Variants in AGRN observed in about 807,000 individuals in gnomAD.
The protein encoded by AGRN is agrin proteoglycan.
Under a neutral mutation model 211.0 loss-of-function variants are expected in AGRN, and 106 were observed. The observed-to-expected ratio is 0.50, with a 90% CI of 0.43 to 0.59. The LOEUF is 0.59. Ranked by LOEUF, AGRN falls within the 20% of genes least tolerant of loss-of-function variation. The pLI, the probability that AGRN is intolerant of heterozygous loss-of-function variation, is 0.00. For synonymous variants in AGRN, 1,525 were observed against 1,332.5 expected, an observed-to-expected ratio of 1.14 and a Z score of -3.15; for missense variants, 3,040 against 2,982.6, an observed-to-expected ratio of 1.02 and a Z score of -0.45.
chr1:1,033,190 GA>G (rs1644711230), intron 2 of AGRN, among the ~76,000 whole-genome samples: 1 of 152,032 alleles, frequency 6.6e-6, no homozygotes, highest in Non-Finnish European at 1.5e-5. Context: ...CCCCGCGCGG[GA>G]GTCGGGGGCG....
Position 1,046,863 on chromosome 1 carries a change from A to G in AGRN, c.3294A>G (p.Pro1098=), listed in dbSNP as rs1365226439. 2 of 1,586,746 alleles carry G rather than the reference A, an allele frequency of 1.3e-6. No individual in the cohort carries two copies. The highest frequency in any genetic ancestry group is 1.8e-5 in the Admixed American group (1 of 54,704). The change falls in exon 19 of 36, where the codon CCA becomes CCG. Residue 1098 remains proline, a synonymous_variant. Coordinates refer to ENST00000379370, the MANE Select transcript of AGRN (RefSeq NM_198576.4). ...GCAGCAGCGTGGCCACCCCTGGGCC[A>G]CCTGTCGAGAGGGCTTCCTGCTACA... ...LEGSSVATPG[P]PVERASCYNS...
intron 2 of AGRN, 106 bp from the exon 3 acceptor site, chr1:1,035,171 G>C (rs80124228): frequency 3.0e-4 from 16 of 53,918 alleles, no homozygotes; most frequent in Middle Eastern, 3.4e-3. Context: ...GCTAGCGGTG[G>C]GGGGGGGGGG....
In AGRN at chr1:1,051,710, C is replaced by T. The variant is rs187269631; in HGVS notation, c.5564-18C>T. On this transcript the variant is annotated intron_variant, in intron 32 of 35. Transcript: ENST00000379370. ...CCCGGAGCCCACGAGGCCCCACCCT[C>T]ACCTGCCTATCTCACAGGGCTGGTG... 31 of 1,613,490 alleles carry T rather than the reference C, an allele frequency of 1.9e-5. No individual in the cohort carries two copies. The East Asian group carries it at 2.2e-4, about 12-fold the overall frequency.
At chr1:1,051,696 C>A (rs143046493) in intron 32 of AGRN, 32 bp from the exon 33 acceptor site, 13 of 1,613,066 alleles carry the variant, frequency 8.1e-6, no homozygotes, top group Admixed American at 1.7e-5. Context: ...CCGGAGCCCA[C>A]GAGGCCCCAC....
intron 22 of AGRN, 47 bp downstream of exon 22, chr1:1,047,942 C>G: frequency 6.3e-7 from 1 of 1,591,882 alleles, no homozygotes; most frequent in Non-Finnish European, 8.6e-7. Context: ...CCTCCTCTGC[C>G]CATGCCCCTG....
In AGRN at chr1:1,051,109, A is replaced by C. The variant is rs1224323120; in HGVS notation, c.5254-144A>C. The C allele has an allele frequency of 1.4e-5, 21 of 1,527,344 alleles. 1 individual carries two copies. The Admixed American group carries it at 1.4e-4, about 10-fold the overall frequency. 94.6% of individuals were successfully genotyped at this position (1,527,344 alleles called of 1,614,324 possible). On this transcript the variant is annotated intron_variant, in intron 30 of 35. Transcript: ENST00000379370. ...CAACCCCTAGGGTAGCTCCTCCCCC[A>C]CTAAGGACCCTGCCATTTCTGTGTG...
chr1:1,034,907 C>G, intron 2 of AGRN: 1 of 375,874 alleles, frequency 2.7e-6, no homozygotes, highest in Non-Finnish European at 4.8e-6. Flanking sequence ...TGCAGAAACA[C>G]TTTCTGCGGG....
chr1:1,037,110 C>G (rs1232535187), intron 3 of AGRN, among the ~76,000 whole-genome samples: 1 of 152,150 alleles, frequency 6.6e-6, no homozygotes, highest in East Asian at 1.9e-4. Flanking sequence ...TCCCAGTGGG[C>G]TGGGTCCTGG....
In AGRN at chr1:1,045,952, C is replaced by A. The variant is rs1330492416; in HGVS notation, c.2681-12C>A. ...ACCCGAGCCACAGAGGTTTCCCATG[C>A]CCGTGCCCCAGACGCTTCTGCGCCT... is the stretch of plus-strand genomic sequence containing the variant. On this transcript the variant is annotated splice_polypyrimidine_tract_variant and intron_variant, in intron 15 of 35. Coordinates refer to ENST00000379370, the MANE Select transcript of AGRN (RefSeq NM_198576.4). The A allele has an allele frequency of 1.2e-6, 2 of 1,613,214 alleles. No individual in the cohort carries two copies. The highest frequency in any genetic ancestry group is 2.2e-5 in the South Asian group (2 of 91,084).
In AGRN at chr1:1,042,012, C is replaced by T. The variant is rs1644956842; in HGVS notation, c.1234C>T (p.Pro412Ser). 1.2e-6 allele frequency: 2 copies of T among 1,611,148 alleles called. No individual in the cohort carries two copies. Among genetic ancestry groups the T allele is most frequent in the Non-Finnish European group, 1.7e-6 (2 of 1,179,674 alleles). The change falls in exon 7 of 36, where the codon CCC (proline) becomes TCC (serine). Residue 412 changes from proline to serine, a missense_variant. This residue lies in a region of AGRN where 1,498 missense variants were observed against 1,457.8 expected (regional missense o/e 1.03). Coordinates refer to ENST00000379370, the MANE Select transcript of AGRN (RefSeq NM_198576.4). The stretch of plus-strand genomic sequence containing the variant: ...CGTGTGCCTGTCCCGCCGTGGCCGT[C>T]CCCGCTGCTCCTGCGACCGCGTCAC... Reference protein sequence around the residue: ...NAVCLSRRGRPRCSCDRVTCD... With the variant: ...NAVCLSRRGRSRCSCDRVTCD...
Position 1,045,447 on chromosome 1 carries a change from C to T in AGRN, c.2460C>T (p.Gly820=), listed in dbSNP as rs960835191. The stretch of plus-strand genomic sequence containing the variant: ...GCTCCTGCCGCCCAGGTGTGGGGGG[C>T]CTCAGGTGTGACCGCTGTGAGCCTG... ...GQCSCRPGVG[G]LRCDRCEPGF... is the part of the protein sequence containing the mutation. The change falls in exon 14 of 36, where the codon GGC becomes GGT. Residue 820 remains glycine, a synonymous_variant. Transcript: ENST00000379370. 1.2e-6 allele frequency: 2 copies of T among 1,612,658 alleles called. No homozygotes were observed. Among genetic ancestry groups the T allele is most frequent in the South Asian group, 1.1e-5 (1 of 91,070 alleles).
At chr1:1,040,602 C>G in intron 3 of AGRN, 63 bp from the exon 4 acceptor site, 3 of 1,532,870 alleles carry the variant, frequency 2.0e-6, no homozygotes, top group Non-Finnish European at 2.6e-6. Context: ...CAAGGTCTCT[C>G]AGGCTTGTGG....
rs1645118962 is a variant in AGRN, at chr1:1,047,078, A to C, written c.3388+121A>C. ...ATGGTCTTGGGACTCGGCCCCCTCAAACATGTGCGTGCCGGGGACCCCACG... is the reference window on the plus strand; with the variant it reads ...ATGGTCTTGGGACTCGGCCCCCTCACACATGTGCGTGCCGGGGACCCCACG... On this transcript the variant is annotated intron_variant, in intron 19 of 35. Coordinates refer to ENST00000379370, the MANE Select transcript of AGRN (RefSeq NM_198576.4). 6 of 1,485,710 alleles carry C rather than the reference A, an allele frequency of 4.0e-6. No homozygotes were observed. The Admixed American group carries it at 1.2e-4, about 31-fold the overall frequency. The allele number at this position is 1,485,710 out of a possible 1,614,324, so 92.0% of individuals were successfully genotyped here.
intron 3 of AGRN, among the ~76,000 whole-genome samples, chr1:1,038,765 C>T (rs1644858359): frequency 6.6e-6 from 1 of 152,216 alleles, no homozygotes; most frequent in African/African-American, 2.4e-5. Flanking sequence ...GAACAGCTGG[C>T]TGGGCATCAG....
In AGRN at chr1:1,022,469, G is replaced by GGTGGGGGGCTCGT. The variant is rs1452630444; in HGVS notation, c.463+15_463+27dup. ...GTGGAGTTCTGTGTGGAAGGTGCGT[G>GGTGGGGGGCTCGT]GTGGGGGGCTCGTGTGGGGGCCTGT... On this transcript the variant is annotated splice_region_variant and intron_variant, in intron 2 of 35. Transcript: ENST00000379370. The GGTGGGGGGCTCGT allele has an allele frequency of 6.2e-7, 1 of 1,604,470 alleles. No homozygotes were observed. The highest frequency in any genetic ancestry group is 8.5e-7 in the Non-Finnish European group (1 of 1,173,746).
In AGRN at chr1:1,046,158, A is replaced by G; in HGVS notation, c.2806-2A>G. On this transcript the variant is annotated splice_acceptor_variant, in intron 16 of 35. Transcript: ENST00000379370. LOFTEE classifies it high-confidence loss of function. Reference sequence around the variant, plus strand: ...CTTGAACATCCTTGTTCTCTGCCCCAGGTCTGTGGGTCAGATGGAGTCACA... The same window carrying G: ...CTTGAACATCCTTGTTCTCTGCCCCGGGTCTGTGGGTCAGATGGAGTCACA... 1 of 1,613,906 alleles carries G rather than the reference A, an allele frequency of 6.2e-7. No homozygotes were observed.
At chr1:1,022,560 G>A in intron 2 of AGRN, 98 bp downstream of exon 2, 1 of 940,642 alleles carries the variant, frequency 1.1e-6, no homozygotes, top group Admixed American at 3.6e-5. Context: ...CTTTCGTGCT[G>A]TGCCGGAGGC....
Position 1,050,579 on chromosome 1 carries a change from C to T in AGRN, c.5129C>T (p.Ala1710Val). ...TTCCGCTACGACCTGGGCAAGGGGG[C>T]AGCGGTCATCAGGTGGGCCGGCAAG... Reference protein sequence around the residue: ...LEFRYDLGKGAAVIRSREPVT... With the variant: ...LEFRYDLGKGVAVIRSREPVT... Residue 1710 changes from alanine to valine, a missense_variant, in exon 29 of 36, where the codon GCA becomes GTA. Physicochemically the swap from Ala to Val is moderately conservative, Grantham distance 64. Around this residue, in one of 3 missense-constraint regions of AGRN, gnomAD observed 1,537 missense variants for 1,505.0 expected, o/e 1.02. Transcript: ENST00000379370. 1.2e-6 allele frequency: 2 copies of T among 1,609,956 alleles called. No individual in the cohort carries two copies. Among genetic ancestry groups the T allele is most frequent in the Non-Finnish European group, 1.7e-6 (2 of 1,178,336 alleles).
At position 1,055,188 on chromosome 1, in the gene AGRN, G is replaced by A. The variant is rs1316499393; in HGVS notation, c.*207G>A. On this transcript the variant is annotated 3_prime_UTR_variant, in exon 36 of 36. Transcript: ENST00000379370. ...CGTGGAGGGCTCGGCGTGGATGGCA[G>A]CCTCAGGACACACACCCCTGCCTCA... The A allele has an allele frequency of 3.9e-6, 3 of 767,974 alleles. No individual in the cohort carries two copies. The highest frequency in any genetic ancestry group is 1.7e-5 in the South Asian group (1 of 59,472). 47.6% of individuals were successfully genotyped at this position (767,974 alleles called of 1,614,324 possible).
Sources: allele counts gnomAD v4.1 joint callset (sites outside exome capture counted in the v4.1 genomes callset), GRCh38; gene constraint gnomAD v4.1.1; regional missense constraint gnomAD v4.1.1; transcripts MANE v1.5; gene names NCBI Gene and HGNC (gene_info 2026-07-23, HGNC 2026-07-21).